The following NSUN4 variants were observed in gnomAD, a reference collection of about 807,000 sequenced individuals.
The protein encoded by NSUN4 is 5-cytosine rRNA methyltransferase NSUN4.
A neutral mutation model predicts 43.8 loss-of-function variants in NSUN4; 31 were observed. The observed-to-expected ratio is 0.71, with a 90% CI of 0.53 to 0.96. The LOEUF (loss-of-function observed/expected upper bound fraction) is 0.96, where lower values mean the gene tolerates loss of function less well. NSUN4 is among the 40% of genes least tolerant of loss of function. NSUN4 has a pLI of 0.00. For missense variants in NSUN4, 439 were observed against 475.6 expected (o/e 0.92, Z 0.72); for synonymous variants, 167 against 184.1 (o/e 0.91, Z 0.75).
chr1:46,347,704 G>T (rs1167930082), intron 3 of NSUN4, among the ~76,000 whole-genome samples: 1 of 151,964 alleles, frequency 6.6e-6, no homozygotes, highest in Non-Finnish European at 1.5e-5. Context: ...AAAATGATAA[G>T]ATCTGCCTGC....
chr1:46,341,291 C>T lies in NSUN4; in HGVS notation c.93+372C>T, dbSNP rs981286472. 6.9e-6 allele frequency: 7 copies of T among 1,018,420 alleles called. No individual in the cohort carries two copies. In the Admixed American group the frequency reaches 3.9e-4, roughly 56 times the overall value. The allele number at this position is 1,018,420 out of a possible 1,614,324, so 63.1% of individuals were successfully genotyped here. The stretch of plus-strand genomic sequence containing the variant: ...CTTTCCCTTGCCCATTCTTCCCCCA[C>T]ATGACTTCTCCTTTCCTCATTGATT... On this transcript the variant is annotated intron_variant, in intron 1 of 5. Transcript: ENST00000474844.
At chr1:46,347,173 C>T in intron 3 of NSUN4, 98 bp downstream of exon 3, 1 of 1,304,890 alleles carries the variant, frequency 7.7e-7, no homozygotes, top group Non-Finnish European at 1.0e-6. Flanking sequence ...CGCAGTGGCT[C>T]CCGCCTGTAA....
At position 46,361,394 on chromosome 1, in the gene NSUN4, A is replaced by C. The variant is rs570909424; in HGVS notation, c.879-176A>C. ...GCTCATGGAGTAAGGTTGGGTTGCTATCTGCCTTGAGAGTGACTTTTCAGA... is the reference window on the plus strand; with the variant it reads ...GCTCATGGAGTAAGGTTGGGTTGCTCTCTGCCTTGAGAGTGACTTTTCAGA... On this transcript the variant is annotated intron_variant, in intron 5 of 5. Transcript: ENST00000474844. Among the ~76,000 whole-genome samples, 21 of 152,324 alleles carry C rather than the reference A, an allele frequency of 1.4e-4. No individual in the cohort carries two copies. The South Asian group carries it at 4.1e-3, about 30-fold the overall frequency.
chr1:46,358,119 G>A (rs949269536), intron 4 of NSUN4, among the ~76,000 whole-genome samples: 12 of 151,246 alleles, frequency 7.9e-5, no homozygotes, highest in African/African-American at 2.4e-4. Context: ...ATTTTGAGAC[G>A]GAGTCTCGCT....
chr1:46,368,416 T>A (rs1664184607), downstream of NSUN4, among the ~76,000 whole-genome samples: 1 of 152,188 alleles, frequency 6.6e-6, no homozygotes, highest in Non-Finnish European at 1.5e-5. Context: ...GCTGTGCAAC[T>A]TCTGCATGTA....
the NSUN4 span, among the ~76,000 whole-genome samples, chr1:46,381,183 C>T: frequency 1.3e-5 from 2 of 152,202 alleles, no homozygotes; most frequent in Non-Finnish European, 1.5e-5. Flanking sequence ...TTATGCAGCA[C>T]GATCTCTGCA....
intron 1 of NSUN4, chr1:46,342,878 C>G (rs1419515434): frequency 5.0e-6 from 2 of 399,780 alleles, no homozygotes; most frequent in Non-Finnish European, 8.8e-6. Flanking sequence ...ACACCTGTCC[C>G]CCACCTCCCT....
intron 3 of NSUN4, among the ~76,000 whole-genome samples, chr1:46,350,286 A>C (rs1569748648): frequency 1.3e-5 from 2 of 152,236 alleles, no homozygotes. Flanking sequence ...ATCCCAGCAC[A>C]AGCTAGGAGG....
At chr1:46,350,126 T>G (rs522025) in intron 3 of NSUN4, among the ~76,000 whole-genome samples, 4,594 of 152,250 alleles carry the variant, frequency 0.03, 112 homozygotes, top group Non-Finnish European at 0.045. Flanking sequence ...ATACAAGAAT[T>G]GGAGGTAGAG....
chr1:46,373,420 T>C, the NSUN4 span, among the ~76,000 whole-genome samples: 3 of 152,234 alleles, frequency 2.0e-5, no homozygotes, highest in Non-Finnish European at 4.4e-5. Flanking sequence ...AGCTGGTTAA[T>C]TTATAAGGAA....
chr1:46,347,076 G>A lies in NSUN4; in HGVS notation c.592+1G>A, dbSNP rs770972531. ...GCGTTGCTTCAGACTGGCTGTTGCC[G>A]TAAGTCAGGGTGCTGGTGTGTTGGG... On this transcript the variant is annotated splice_donor_variant, in intron 3 of 5. Transcript: ENST00000474844. LOFTEE classifies it high-confidence loss of function. The A allele has an allele frequency of 1.1e-5, 17 of 1,612,852 alleles. No individual in the cohort carries two copies. The highest frequency in any genetic ancestry group is 8.3e-5 in the Admixed American group (5 of 59,892).
intron 4 of NSUN4, among the ~76,000 whole-genome samples, chr1:46,359,590 G>A (rs1267162104): frequency 4.8e-5 from 6 of 125,352 alleles, no homozygotes; most frequent in East Asian, 4.9e-4. Context: ...TTGCTCTGGC[G>A]CCCAGGCTGG....
In NSUN4 at chr1:46,344,823, C is replaced by G. The variant is rs1047218897; in HGVS notation, c.116C>G (p.Pro39Arg). The G allele has an allele frequency of 1.2e-6, 2 of 1,613,936 alleles. No homozygotes were observed. The highest frequency in any genetic ancestry group is 2.7e-5 in the African/African-American group (2 of 74,930). ...TAGGCTGCCACAGAGCCCAAATTCC[C>G]TGCTGTTCGACTGGCTTTGCAGAAT... Reference protein sequence around the residue: ...KKWAATEPKFPAVRLALQNFD... With the variant: ...KKWAATEPKFRAVRLALQNFD... The change falls in exon 2 of 6, where the codon CCT becomes CGT. Residue 39 changes from proline to arginine, a missense_variant. By Grantham distance (103) the Pro-to-Arg change is moderately radical. Coordinates refer to ENST00000474844, the MANE Select transcript of NSUN4 (RefSeq NM_199044.4).
At chr1:46,384,051 A>G in the NSUN4 span, among the ~76,000 whole-genome samples, 1 of 152,152 alleles carries the variant, frequency 6.6e-6, no homozygotes, top group Non-Finnish European at 1.5e-5. Flanking sequence ...TTGGCGGGAA[A>G]AATGGTTATG....
chr1:46,377,562 C>T, the NSUN4 span, among the ~76,000 whole-genome samples: 75 of 152,344 alleles, frequency 4.9e-4, no homozygotes, highest in African/African-American at 1.8e-3. Context: ...GATAGAAGAG[C>T]TTATGGCAGA....
chr1:46,341,058 C>A, intron 1 of NSUN4, 139 bp downstream of exon 1: 1 of 1,133,548 alleles, frequency 8.8e-7, no homozygotes, highest in Non-Finnish European at 1.2e-6. Context: ...CCTCTCTCGT[C>A]TTTTCCGTCA....
At chr1:46,343,575 A>G (rs973947238) in intron 1 of NSUN4, 1 of 400,300 alleles carries the variant, frequency 2.5e-6, no homozygotes, top group Non-Finnish European at 4.4e-6. Context: ...GAGCCAAAGC[A>G]AGAGTCCCCA....
downstream of NSUN4, among the ~76,000 whole-genome samples, chr1:46,368,677 G>A (rs141655140): frequency 8.2e-4 from 125 of 152,300 alleles, no homozygotes; most frequent in Middle Eastern, 0.024. Flanking sequence ...AAATGGTTAA[G>A]TAAATTTAAA....
chr1:46,356,530 A>C (rs1569761253), intron 4 of NSUN4, among the ~76,000 whole-genome samples: 2 of 152,150 alleles, frequency 1.3e-5, no homozygotes, highest in Admixed American at 6.6e-5. Flanking sequence ...GTCTCTACTA[A>C]AAATACAAAA....
Sources: allele counts gnomAD v4.1 joint callset (sites outside exome capture counted in the v4.1 genomes callset), GRCh38; gene constraint gnomAD v4.1.1; transcripts MANE v1.5; gene names NCBI Gene and HGNC (gene_info 2026-07-23, HGNC 2026-07-21).